FBF1: variants seen among roughly 807,000 people sequenced by gnomAD.
The protein encoded by FBF1 is Fas binding factor 1, also known as fas-binding factor 1.
A neutral mutation model predicts 147.2 loss-of-function variants in FBF1; 119 were observed. That is an observed-to-expected ratio of 0.81 (90% CI 0.70 to 0.94). The LOEUF is 0.94. Ranked by LOEUF, FBF1 falls within the 40% of genes least tolerant of loss-of-function variation. FBF1 has a pLI of 0.00. For missense variants in FBF1, 1,449 were observed against 1,500.8 expected, an observed-to-expected ratio of 0.97 and a Z score of 0.57; for synonymous variants, 601 against 609.0, an observed-to-expected ratio of 0.99 and a Z score of 0.19.
chr17:75,933,706 T>C (rs1251818197), intron 4 of FBF1, among the ~76,000 whole-genome samples: 2 of 152,298 alleles, frequency 1.3e-5, no homozygotes, highest in South Asian at 2.1e-4. Context: ...GGAACTCTTT[T>C]AACTCAACGA....
chr17:75,935,873 GAAATTT>G (rs1276010259), intron 3 of FBF1, among the ~76,000 whole-genome samples, 200 bp from the exon 4 acceptor site: 1 of 152,140 alleles, frequency 6.6e-6, no homozygotes, highest in Non-Finnish European at 1.5e-5. Flanking sequence ...CCCCGAGGCA[GAAATTT>G]AAATAACTAT....
At chr17:75,936,818 G>C (rs966431582) in intron 3 of FBF1, among the ~76,000 whole-genome samples, 1 of 152,112 alleles carries the variant, frequency 6.6e-6, no homozygotes, top group Non-Finnish European at 1.5e-5. Flanking sequence ...CAGCTCGCTG[G>C]GAAGAGTGCC....
chr17:75,930,855 A>G lies in FBF1; in HGVS notation c.228+374T>C, dbSNP rs79963987. ...GAGAATCGCTTGAACCAGGAGGCGGAGATTGCAGTGAGCCAAGATCGCACT... is the reference window on the plus strand; with the variant it reads ...GAGAATCGCTTGAACCAGGAGGCGGGGATTGCAGTGAGCCAAGATCGCACT... On this transcript the variant is annotated intron_variant, in intron 6 of 29. Coordinates refer to ENST00000636174, the MANE Select transcript of FBF1 (RefSeq NM_001319193.2). Among the ~76,000 whole-genome samples the G allele has an allele frequency of 7.8e-3, 1,183 of 152,258 alleles. 17 individuals carry two copies. Among genetic ancestry groups the G allele is most frequent in the African/African-American group, 0.024 (986 of 41,538 alleles).
chr17:75,930,141 G>T, intron 6 of FBF1, 94 bp from the exon 7 acceptor site: 1 of 954,330 alleles, frequency 1.0e-6, no homozygotes, highest in African/African-American at 1.6e-5. Flanking sequence ...TTCTGTTAGG[G>T]CAGACGGCGC....
At chr17:75,920,496 C>T (rs1308451675) in intron 17 of FBF1, 67 bp from the exon 18 acceptor site, 24 of 1,478,132 alleles carry the variant, frequency 1.6e-5, no homozygotes, top group Admixed American at 6.6e-5. Flanking sequence ...GATCAGCTAC[C>T]TCCTGGCCCA....
At chr17:75,915,270 G>A in intron 23 of FBF1, 131 bp from the exon 24 acceptor site, 1 of 1,378,754 alleles carries the variant, frequency 7.3e-7, no homozygotes, top group South Asian at 1.5e-5. Flanking sequence ...TCCCAAAGAG[G>A]CACAAAATGA....
Position 75,917,806 on chromosome 17 carries a change from C to G in FBF1, c.2431G>C (p.Glu811Gln), listed in dbSNP as rs765482724. The change falls in exon 23 of 30, where the codon GAG (glutamate) becomes CAG (glutamine). Residue 811 changes from glutamate (E) to glutamine (Q), a missense_variant. By Grantham distance (29) the Glu-to-Gln change is conservative. Coordinates refer to ENST00000636174, the MANE Select transcript of FBF1 (RefSeq NM_001319193.2). The stretch of plus-strand genomic sequence containing the variant: ...ATGACCTCCTGTTGCCGGCTCCGCT[C>G]CTCCTCCATGTCCCGCTGCTGCTGG... ...LGQQQRDMEE[E>Q]RSRQQEVIGK... The G allele has an allele frequency of 2.6e-5, 42 of 1,609,538 alleles. No individual in the cohort carries two copies. Among genetic ancestry groups the G allele is most frequent in the Non-Finnish European group, 3.4e-5 (40 of 1,178,946 alleles).
At position 75,927,379 on chromosome 17, in the gene FBF1, C is replaced by T. The variant is rs1002873003; in HGVS notation, c.475+76G>A. ...TGTGACATAGGCAGCAGCTGGGCCT[C>T]GGGCCAGCAAGCATGCCTAGGCTGC... On this transcript the variant is annotated intron_variant, in intron 9 of 29. Transcript: ENST00000636174. The T allele has an allele frequency of 6.1e-6, 8 of 1,312,216 alleles. No individual in the cohort carries two copies. In the South Asian group the frequency reaches 6.5e-5, roughly 11 times the overall value. The allele number at this position is 1,312,216 out of a possible 1,614,324, so 81.3% of individuals were successfully genotyped here.
intron 3 of FBF1, among the ~76,000 whole-genome samples, chr17:75,937,248 G>T (rs2065630568): frequency 6.6e-6 from 1 of 151,190 alleles, no homozygotes; most frequent in African/African-American, 2.4e-5. Context: ...TCGGCTCACT[G>T]CAAGCTCCGC....
At chr17:75,916,118 G>C (rs2065487746) in intron 23 of FBF1, among the ~76,000 whole-genome samples, 1 of 150,130 alleles carries the variant, frequency 6.7e-6, no homozygotes, top group Admixed American at 6.6e-5. Flanking sequence ...TCAGGAGTTT[G>C]AGATCAGCCT....
chr17:75,938,052 C>G (rs770957733), intron 2 of FBF1, 95 bp downstream of exon 2: 1 of 1,564,856 alleles, frequency 6.4e-7, no homozygotes, highest in South Asian at 1.2e-5. Flanking sequence ...CCTTGCCGCC[C>G]AGCCCCCAGA....
chr17:75,930,859 T>A (rs569706017), intron 6 of FBF1, among the ~76,000 whole-genome samples: 2 of 152,266 alleles, frequency 1.3e-5, no homozygotes, highest in East Asian at 1.9e-4. Flanking sequence ...AGGCGGAGAT[T>A]GCAGTGAGCC....
At chr17:75,937,257 G>A (rs554878143) in intron 3 of FBF1, among the ~76,000 whole-genome samples, 100 of 148,892 alleles carry the variant, frequency 6.7e-4, no homozygotes, top group African/African-American at 2.4e-3. Flanking sequence ...TGCAAGCTCC[G>A]CCTCCTGTGT....
In FBF1 at chr17:75,919,617, C is replaced by T. The variant is rs1046701591; in HGVS notation, c.2138+51G>A. ...AGGGTCTCGTGGGGATGGCTCTCTT[C>T]CGGCTACTCCTTGCAAGCCTGCTCC... On this transcript the variant is annotated intron_variant, in intron 20 of 29. Transcript: ENST00000636174. The surrounding 1 kb of genome is among the most constrained non-coding windows in gnomAD (Gnocchi z 5.0). The T allele has an allele frequency of 1.1e-5, 17 of 1,542,392 alleles. No homozygotes were observed. Among genetic ancestry groups the T allele is most frequent in the Non-Finnish European group, 4.4e-6 (5 of 1,145,232 alleles).
chr17:75,932,746 T>A (rs1285433682), intron 5 of FBF1, among the ~76,000 whole-genome samples: 2 of 151,782 alleles, frequency 1.3e-5, no homozygotes, highest in Non-Finnish European at 2.9e-5. Context: ...ATTAGCCAGG[T>A]GTGGTGGTGG....
Position 75,922,683 on chromosome 17 carries a change from C to T in FBF1, c.1424+503G>A, listed in dbSNP as rs879394673. Among the ~76,000 whole-genome samples, 1 of 152,216 alleles carries T rather than the reference C, an allele frequency of 6.6e-6. No homozygotes were observed. The highest frequency in any genetic ancestry group is 2.4e-5 in the African/African-American group (1 of 41,450). On this transcript the variant is annotated intron_variant, in intron 14 of 29. Transcript: ENST00000636174. The surrounding 1 kb of genome is among the most constrained non-coding windows in gnomAD (Gnocchi z 5.0). ...TGCCTTCCTGCCTTCAGAGGTCACT[C>T]GCTATCCTGCCCCACGGATAAGGGC...
chr17:75,916,836 C>T lies in FBF1; in HGVS notation c.2505+896G>A, dbSNP rs140809023. ...CACCACCACACCCAGTTAATTAAAA[C>T]AAAATTTAAATGTTTTTATTATTTA... is the stretch of plus-strand genomic sequence containing the variant. On this transcript the variant is annotated intron_variant, in intron 23 of 29. Transcript: ENST00000636174. Among the ~76,000 whole-genome samples the T allele has an allele frequency of 6.5e-3, 988 of 152,294 alleles. 12 individuals carry two copies. The highest frequency in any genetic ancestry group is 0.023 in the African/African-American group (953 of 41,572).
chr17:75,914,342 G>C, intron 25 of FBF1, 44 bp from the exon 26 acceptor site: 1 of 1,557,024 alleles, frequency 6.4e-7, no homozygotes. Flanking sequence ...CCCAGGAATT[G>C]CGCTGCACTC....
chr17:75,930,804 C>A (rs559336320), intron 6 of FBF1, among the ~76,000 whole-genome samples: 1 of 152,274 alleles, frequency 6.6e-6, no homozygotes, highest in African/African-American at 2.4e-5. Flanking sequence ...TGCCTGTAAT[C>A]CCAGCTACTC....
Sources: gnomAD v4.1 joint callset for allele counts (sites outside exome capture counted in the v4.1 genomes callset) on GRCh38, gnomAD v4.1.1 for gene constraint, Gnocchi (gnomAD v3.1) non-coding constraint, MANE v1.5 for transcripts, NCBI Gene and HGNC (gene_info 2026-07-23, HGNC 2026-07-21) for gene names.